Variants in VWA3B observed in about 807,000 individuals in gnomAD.
VWA3B encodes von Willebrand factor A domain containing 3B.
Under a neutral mutation model 158.3 loss-of-function variants are expected in VWA3B, and 138 were observed. The observed-to-expected ratio is 0.87, with a 90% CI of 0.76 to 1.00. The LOEUF is 1.00. VWA3B is among the 50% of genes least tolerant of loss of function. The probability of loss-of-function intolerance (pLI) is 0.00; values close to 1 mark genes in which losing one functional copy is unlikely to be tolerated. For missense variants in VWA3B, 1,555 were observed against 1,565.1 expected, an observed-to-expected ratio of 0.99 and a Z score of 0.11; for synonymous variants, 596 against 587.3, an observed-to-expected ratio of 1.01 and a Z score of -0.21.
chr2:98,216,975 T>A, intron 13 of VWA3B: 1 of 1,194,966 alleles, frequency 8.4e-7, no homozygotes, highest in South Asian at 1.3e-5. Context: ...TGTGTATCAT[T>A]GTAAGCACCC....
At chr2:98,193,499 C>T (rs994141080) in intron 11 of VWA3B, among the ~76,000 whole-genome samples, 1 of 152,168 alleles carries the variant, frequency 6.6e-6, no homozygotes, top group Non-Finnish European at 1.5e-5. Flanking sequence ...CTAGTGTCCA[C>T]ACCTGTCAAA....
intron 2 of VWA3B, among the ~76,000 whole-genome samples, chr2:98,103,899 C>A (rs1683249069): frequency 6.6e-6 from 1 of 152,148 alleles, no homozygotes. Context: ...GTTCCAAATG[C>A]ATACACATTT....
rs562848538 is a variant in VWA3B, at chr2:98,222,301, G to A, written c.2019+4273G>A. Among the ~76,000 whole-genome samples the A allele has an allele frequency of 7.9e-5, 12 of 152,314 alleles. 1 individual carries two copies. In the South Asian group the frequency reaches 2.5e-3, roughly 32 times the overall value. ...ACAGCTCACCTTGACAAAAATAGCT[G>A]GGAGAGCTCACCAGATACATAGTTA... is the stretch of plus-strand genomic sequence containing the variant. On this transcript the variant is annotated intron_variant, in intron 14 of 27. Coordinates refer to ENST00000477737, the MANE Select transcript of VWA3B (RefSeq NM_144992.5).
At chr2:98,134,068 A>G in intron 7 of VWA3B, 129 bp downstream of exon 7, 1 of 752,332 alleles carries the variant, frequency 1.3e-6, no homozygotes, top group South Asian at 1.7e-5. Context: ...AATGTAGTGC[A>G]AGAGCAGAGT....
At chr2:98,327,160 G>A in the VWA3B span, among the ~76,000 whole-genome samples, 7 of 151,982 alleles carry the variant, frequency 4.6e-5, no homozygotes, top group African/African-American at 1.7e-4. Context: ...AGGCATGGTG[G>A]CACATGCCTG....
intron 8 of VWA3B, among the ~76,000 whole-genome samples, chr2:98,172,683 G>T (rs536142968): frequency 6.0e-4 from 91 of 152,264 alleles, no homozygotes; most frequent in African/African-American, 1.9e-3. Context: ...CTTGGGGGTG[G>T]GGGAGATGGA....
intron 7 of VWA3B, among the ~76,000 whole-genome samples, chr2:98,147,518 C>A (rs893311412): frequency 1.3e-5 from 2 of 152,058 alleles, no homozygotes; most frequent in Admixed American, 6.5e-5. Context: ...AATATAGAAT[C>A]AAGTATTTTC....
intron 8 of VWA3B, among the ~76,000 whole-genome samples, chr2:98,179,818 CTTTCTT>C (rs1462588832): frequency 2.9e-5 from 3 of 104,804 alleles, no homozygotes; most frequent in Admixed American, 2.3e-4. Context: ...TTCTTTCTTT[CTTTCTT>C]TCTTTTTCTT....
chr2:98,091,334 C>A (rs1414244754), intron 1 of VWA3B, among the ~76,000 whole-genome samples: 5 of 152,140 alleles, frequency 3.3e-5, no homozygotes, highest in African/African-American at 1.2e-4. Flanking sequence ...ATGTAAGTGG[C>A]GTGTTAATAA....
rs1382039024 is a variant in VWA3B, at chr2:98,236,612, A to G, written c.2555A>G (p.Tyr852Cys). ...DVSSENWLKT[Y>C]GLVAKKLTLM... The stretch of plus-strand genomic sequence containing the variant: ...TCTTCAGAAAACTGGCTGAAGACCT[A>G]TGGCTTGGTCGCCAAGAAACTCACC... Residue 852 changes from tyrosine (Y) to cysteine (C), a missense_variant, in exon 19 of 28, where the codon TAT (tyrosine) becomes TGT (cysteine). Physicochemically the swap from Tyr to Cys is radical, Grantham distance 194. Coordinates refer to ENST00000477737, the MANE Select transcript of VWA3B (RefSeq NM_144992.5). 5 of 1,614,226 alleles carry G rather than the reference A, an allele frequency of 3.1e-6. No individual in the cohort carries two copies. The highest frequency in any genetic ancestry group is 1.3e-5 in the African/African-American group (1 of 75,064).
intron 21 of VWA3B, 23 bp downstream of exon 21, chr2:98,256,197 C>A (rs369763985): frequency 6.6e-7 from 1 of 1,506,500 alleles, no homozygotes; most frequent in East Asian, 2.4e-5. Flanking sequence ...ATTCCCTCCT[C>A]ACTTTTTTTT....
rs185859467 is a variant in VWA3B at position 98,096,726 on chromosome 2, C to T, written c.196+3438C>T. On this transcript the variant is annotated intron_variant, in intron 2 of 27. Transcript: ENST00000477737. ...TTCATGTGTAATTGTTCACAGTAGT[C>T]TCTTATGATCCTTTGTATTTCTGTG... Among the ~76,000 whole-genome samples the T allele has an allele frequency of 3.3e-5, 5 of 152,202 alleles. No individual in the cohort carries two copies. The East Asian group carries it at 9.7e-4, about 29-fold the overall frequency.
chr2:98,156,292 C>T (rs1678067305), intron 7 of VWA3B, among the ~76,000 whole-genome samples: 1 of 152,190 alleles, frequency 6.6e-6, no homozygotes, highest in East Asian at 1.9e-4. Flanking sequence ...CATTGGCTTC[C>T]TAGTTCCTAA....
At chr2:98,114,725 C>T (rs1385346640) in intron 2 of VWA3B, among the ~76,000 whole-genome samples, 1 of 152,146 alleles carries the variant, frequency 6.6e-6, no homozygotes, top group African/African-American at 2.4e-5. Flanking sequence ...CTGCCAAATC[C>T]TAGCTAGTCT....
At chr2:98,152,850 A>G (rs991352098) in intron 7 of VWA3B, among the ~76,000 whole-genome samples, 1 of 152,230 alleles carries the variant, frequency 6.6e-6, no homozygotes, top group Non-Finnish European at 1.5e-5. Context: ...TCAGAACTCT[A>G]TGCTGTCACT....
intron 8 of VWA3B, among the ~76,000 whole-genome samples, chr2:98,174,044 T>A (rs1196678485): frequency 2.6e-5 from 4 of 152,094 alleles, no homozygotes; most frequent in East Asian, 3.8e-4. Flanking sequence ...GGACCCCTAA[T>A]TATGGAAACA....
At chr2:98,152,120 C>T (rs1402425080) in intron 7 of VWA3B, among the ~76,000 whole-genome samples, 1 of 152,136 alleles carries the variant, frequency 6.6e-6, no homozygotes, top group Non-Finnish European at 1.5e-5. Context: ...GCCGCAGGGG[C>T]CTTTCTAGAG....
chr2:98,216,982 A>ACCTC (rs1553417707), intron 13 of VWA3B: 17 of 1,237,158 alleles, frequency 1.4e-5, no homozygotes, highest in East Asian at 1.2e-4. Flanking sequence ...CATTGTAAGC[A>ACCTC]CCCGCCCCGC....
At chr2:98,243,227 A>G (rs911312554) in intron 19 of VWA3B, among the ~76,000 whole-genome samples, 1 of 152,132 alleles carries the variant, frequency 6.6e-6, no homozygotes, top group Non-Finnish European at 1.5e-5. Context: ...ATACTTATCT[A>G]CTATACCAGT....
Sources: gnomAD v4.1 joint callset for allele counts (sites outside exome capture counted in the v4.1 genomes callset) on GRCh38, gnomAD v4.1.1 for gene constraint, MANE v1.5 for transcripts, NCBI Gene and HGNC (gene_info 2026-07-23, HGNC 2026-07-21) for gene names.